Variants in RNF38 observed in about 807,000 individuals in gnomAD.
The protein encoded by RNF38 is ring finger protein 38.
RNF38 carries 15 observed loss-of-function variants against 67.2 expected under a neutral mutation model. The observed-to-expected ratio is 0.22, with a 90% CI of 0.15 to 0.34. The LOEUF is 0.34. RNF38 is among the 10% of genes least tolerant of loss of function. RNF38 has a pLI of 1.00. For synonymous variants in RNF38, 220 were observed against 218.8 expected (o/e 1.01, Z -0.05); for missense variants, 524 against 639.9 (o/e 0.82, Z 1.95).
chr9:36,435,099 A>G (rs1839031160), intron 1 of RNF38, among the ~76,000 whole-genome samples: 1 of 152,178 alleles, frequency 6.6e-6, no homozygotes, highest in Admixed American at 6.6e-5. Flanking sequence ...ACCACTGTGG[A>G]AAAAAGTGGG....
chr9:36,382,204 A>T (rs1427754763), intron 2 of RNF38, among the ~76,000 whole-genome samples: 2 of 152,244 alleles, frequency 1.3e-5, no homozygotes, highest in Non-Finnish European at 2.9e-5. Flanking sequence ...GTTGATTCAA[A>T]TCTGGTACAA....
chr9:36,371,837 A>C (rs1447771806), intron 3 of RNF38, among the ~76,000 whole-genome samples: 4 of 152,032 alleles, frequency 2.6e-5, no homozygotes, highest in Admixed American at 2.6e-4. Context: ...GTTCATACTT[A>C]AATTTACTTT....
chr9:36,454,830 C>T (rs778629840), intron 1 of RNF38, among the ~76,000 whole-genome samples: 13 of 151,966 alleles, frequency 8.6e-5, no homozygotes, highest in Non-Finnish European at 1.6e-4. Context: ...ATGATCCACC[C>T]GCCTCGGTCT....
intron 1 of RNF38, among the ~76,000 whole-genome samples, chr9:36,466,846 C>T (rs914897891): frequency 1.3e-4 from 19 of 151,744 alleles, no homozygotes; most frequent in African/African-American, 4.6e-4. Context: ...TTTTTGTAAT[C>T]AGAAGACAAT....
At chr9:36,425,158 C>A (rs1306513366) in intron 1 of RNF38, among the ~76,000 whole-genome samples, 1 of 152,118 alleles carries the variant, frequency 6.6e-6, no homozygotes, top group Non-Finnish European at 1.5e-5. Context: ...TAAATGTATA[C>A]CAAATATACC....
At chr9:36,421,843 G>C (rs908083012) in intron 2 of RNF38, among the ~76,000 whole-genome samples, 2 of 152,134 alleles carry the variant, frequency 1.3e-5, no homozygotes, top group African/African-American at 4.8e-5. Flanking sequence ...GTCATAGAAA[G>C]ACGTCAGGGG....
intron 1 of RNF38, among the ~76,000 whole-genome samples, chr9:36,465,271 C>T (rs974668453): frequency 4.6e-5 from 7 of 152,180 alleles, no homozygotes; most frequent in African/African-American, 1.4e-4. Context: ...GGGGTGGGTT[C>T]GTGTTTACAC....
rs1331385262 is a variant in RNF38, at chr9:36,369,591, G to A, written c.570+128C>T. On this transcript the variant is annotated intron_variant, in intron 4 of 11. Coordinates refer to ENST00000259605, the MANE Select transcript of RNF38 (RefSeq NM_022781.5). ...TTAAATCTCAATTCTTAAAAGGAAT[G>A]AGGAACTTAAATAACTTCATTTTAG... 8.6e-6 allele frequency: 6 copies of A among 700,044 alleles called. No individual in the cohort carries two copies. The East Asian group carries it at 1.1e-4, about 13-fold the overall frequency. 43.4% of individuals were successfully genotyped at this position (700,044 alleles called of 1,614,324 possible).
chr9:36,451,171 T>A (rs1357268589), intron 1 of RNF38, among the ~76,000 whole-genome samples: 3 of 151,194 alleles, frequency 2.0e-5, no homozygotes. Context: ...ACAAATAAAC[T>A]GCAGTATTTT....
chr9:36,372,717 G>A, intron 3 of RNF38: 2 of 457,848 alleles, frequency 4.4e-6, no homozygotes, highest in Non-Finnish European at 7.8e-6. Context: ...CTATGAACGA[G>A]GACCATGATG....
intron 11 of RNF38, 82 bp downstream of exon 11, chr9:36,342,243 C>G: frequency 1.0e-6 from 1 of 963,926 alleles, no homozygotes; most frequent in Non-Finnish European, 1.7e-6. Flanking sequence ...TTCCTGTCCA[C>G]TGAGCTATGA....
intron 6 of RNF38, among the ~76,000 whole-genome samples, chr9:36,355,281 A>T (rs1210879957): frequency 6.6e-6 from 1 of 152,206 alleles, no homozygotes; most frequent in African/African-American, 2.4e-5. Flanking sequence ...AGCCACTTCT[A>T]TAGGTTATCT....
At chr9:36,382,083 G>A (rs1297023084) in intron 2 of RNF38, among the ~76,000 whole-genome samples, 1 of 152,202 alleles carries the variant, frequency 6.6e-6, no homozygotes, top group African/African-American at 2.4e-5. Context: ...GGATAATTTA[G>A]ATTTTGAATT....
chr9:36,478,505 G>A (rs1322391935), intron 1 of RNF38, among the ~76,000 whole-genome samples: 2 of 142,592 alleles, frequency 1.4e-5, no homozygotes, highest in African/African-American at 5.2e-5. Context: ...TCGCAAAAAT[G>A]TAAGTATTTA....
At chr9:36,357,383 G>A (rs929709743) in intron 5 of RNF38, among the ~76,000 whole-genome samples, 1 of 152,190 alleles carries the variant, frequency 6.6e-6, no homozygotes, top group African/African-American at 2.4e-5. Context: ...CTCAGTAAGT[G>A]CTGAGACTCT....
chr9:36,434,811 G>C (rs1839024421), intron 1 of RNF38, among the ~76,000 whole-genome samples: 1 of 152,182 alleles, frequency 6.6e-6, no homozygotes, highest in Non-Finnish European at 1.5e-5. Flanking sequence ...CTCAAGATTA[G>C]AACTGGCTCC....
At chr9:36,460,074 C>T (rs1169593961) in intron 1 of RNF38, among the ~76,000 whole-genome samples, 1 of 152,074 alleles carries the variant, frequency 6.6e-6, no homozygotes, top group African/African-American at 2.4e-5. Flanking sequence ...CTACTTAGGG[C>T]CAAAATCAGT....
chr9:36,486,679 C>T (rs1840419612), intron 1 of RNF38, among the ~76,000 whole-genome samples: 1 of 152,064 alleles, frequency 6.6e-6, no homozygotes, highest in Admixed American at 6.5e-5. Context: ...AAGCTCTGCC[C>T]CACTCACTCA....
At chr9:36,484,182 A>T (rs1840345552) in intron 1 of RNF38, among the ~76,000 whole-genome samples, 1 of 152,240 alleles carries the variant, frequency 6.6e-6, no homozygotes, top group Non-Finnish European at 1.5e-5. Context: ...CTGATATATC[A>T]GAATGTCCTG....
Sources: allele counts gnomAD v4.1 joint callset (sites outside exome capture counted in the v4.1 genomes callset), GRCh38; gene constraint gnomAD v4.1.1; transcripts MANE v1.5; gene names NCBI Gene and HGNC (gene_info 2026-07-23, HGNC 2026-07-21).